The following TXLNB variants were observed in gnomAD, a reference collection of about 807,000 sequenced individuals.
The protein encoded by TXLNB is beta-taxilin.
In TXLNB, 37 loss-of-function variants were observed where a neutral mutation model predicts 57.4. The observed-to-expected ratio is 0.64, with a 90% CI of 0.50 to 0.85. TXLNB has a LOEUF of 0.85. TXLNB is among the 40% of genes least tolerant of loss of function. The probability of loss-of-function intolerance (pLI) is 0.00; values close to 1 mark genes in which losing one functional copy is unlikely to be tolerated. For missense variants in TXLNB, 848 were observed against 825.6 expected (o/e 1.03, Z -0.33); for synonymous variants, 302 against 309.6 (o/e 0.98, Z 0.26).
the TXLNB span, among the ~76,000 whole-genome samples, chr6:139,181,283 G>C: frequency 2.6e-3 from 389 of 152,358 alleles, 1 homozygote; most frequent in African/African-American, 9.1e-3. Flanking sequence ...CTTATCTGCT[G>C]TTTTGCGTTC....
the TXLNB span, among the ~76,000 whole-genome samples, chr6:139,223,575 C>T: frequency 4.4e-4 from 67 of 152,112 alleles, no homozygotes; most frequent in Middle Eastern, 6.8e-3. Context: ...CCAGAATCTA[C>T]AATGAACCCA....
At chr6:139,248,112 C>T (rs559680815) in intron 7 of TXLNB, among the ~76,000 whole-genome samples, 2 of 152,254 alleles carry the variant, frequency 1.3e-5, no homozygotes, top group African/African-American at 2.4e-5. Flanking sequence ...CAGTGGCTCA[C>T]GCCTGTAATG....
At chr6:139,164,109 T>C in the TXLNB span, among the ~76,000 whole-genome samples, 2 of 146,410 alleles carry the variant, frequency 1.4e-5, no homozygotes, top group Admixed American at 6.7e-5. Context: ...CTGAGCATCT[T>C]CTCACACTGC....
chr6:139,201,163 A>G, the TXLNB span, among the ~76,000 whole-genome samples: 1 of 152,208 alleles, frequency 6.6e-6, no homozygotes, highest in Admixed American at 6.5e-5. Flanking sequence ...AAACTTCACA[A>G]TATCTGGAAC....
chr6:139,208,968 G>C, the TXLNB span, among the ~76,000 whole-genome samples: 1 of 152,130 alleles, frequency 6.6e-6, no homozygotes, highest in Non-Finnish European at 1.5e-5. Context: ...GGAAATAAAG[G>C]ACATCCAAAT....
At chr6:139,297,828 A>G in the TXLNB span, among the ~76,000 whole-genome samples, 2 of 152,208 alleles carry the variant, frequency 1.3e-5, no homozygotes, top group Non-Finnish European at 2.9e-5. Flanking sequence ...CCTAGGACCA[A>G]GTTGAAGGAA....
the TXLNB span, chr6:139,169,790 T>C: frequency 6.6e-6 from 1 of 152,236 alleles, no homozygotes; most frequent in Non-Finnish European, 1.5e-5. Flanking sequence ...TCTAGAGGCT[T>C]AAGCTTGGAA....
intron 8 of TXLNB, among the ~76,000 whole-genome samples, chr6:139,245,918 C>G (rs1776056251): frequency 6.6e-6 from 1 of 152,094 alleles, no homozygotes; most frequent in Admixed American, 6.5e-5. Flanking sequence ...GTCTTGAGCT[C>G]CTGACCTCAA....
chr6:139,220,509 T>A, the TXLNB span, among the ~76,000 whole-genome samples: 1 of 152,192 alleles, frequency 6.6e-6, no homozygotes, highest in Admixed American at 6.5e-5. Context: ...CATGAGTCTC[T>A]CAAATTTAAG....
chr6:139,243,219 G>T lies in TXLNB; in HGVS notation c.1362C>A (p.Leu454=), dbSNP rs773301481. The change falls in exon 10 of 10, where the codon CTC becomes CTA. Residue 454 remains leucine, a synonymous_variant. Transcript: ENST00000358430. Reference sequence around the variant, plus strand: ...TTTCTGCGTCTCTGATTTTTTTGTGGAGTTCGTTTCTCTCTTCTTGTAAAG... The same window carrying T: ...TTTCTGCGTCTCTGATTTTTTTGTGTAGTTCGTTTCTCTCTTCTTGTAAAG... ...CRALQEERNE[L]HKKIRDAEIS... is the part of the protein sequence containing the mutation. 1 of 1,614,028 alleles carries T rather than the reference G, an allele frequency of 6.2e-7. No homozygotes were observed. The highest frequency in any genetic ancestry group is 8.5e-7 in the Non-Finnish European group (1 of 1,180,002).
At chr6:139,226,625 G>A in the TXLNB span, among the ~76,000 whole-genome samples, 1 of 152,204 alleles carries the variant, frequency 6.6e-6, no homozygotes, top group African/African-American at 2.4e-5. Flanking sequence ...CATAGGAAAT[G>A]AGGGAAAAAA....
At chr6:139,183,285 T>A in the TXLNB span, 5 of 152,248 alleles carry the variant, frequency 3.3e-5, no homozygotes, top group East Asian at 1.9e-4. Context: ...GCTAGCTAAC[T>A]CTTGCTCAGA....
chr6:139,170,248 G>A, the TXLNB span: 1 of 152,182 alleles, frequency 6.6e-6, no homozygotes, highest in South Asian at 2.1e-4. Context: ...ACAGATTATT[G>A]TCATGTAATC....
At chr6:139,252,524 C>G (rs549993337) in intron 7 of TXLNB, among the ~76,000 whole-genome samples, 22 of 152,260 alleles carry the variant, frequency 1.4e-4, no homozygotes, top group South Asian at 8.3e-4. Flanking sequence ...AGGGTTCTTG[C>G]AATTAGTGAG....
At chr6:139,276,357 T>G (rs561701369) in intron 3 of TXLNB, among the ~76,000 whole-genome samples, 11 of 152,260 alleles carry the variant, frequency 7.2e-5, no homozygotes, top group Non-Finnish European at 1.0e-4. Context: ...CTAACTTCAC[T>G]ACTATTAGTA....
the TXLNB span, among the ~76,000 whole-genome samples, chr6:139,232,427 TGTA>T: frequency 6.6e-6 from 1 of 152,192 alleles, no homozygotes; most frequent in African/African-American, 2.4e-5. Context: ...ATATTATACT[TGTA>T]GTACTCTCAT....
chr6:139,223,193 A>G, the TXLNB span, among the ~76,000 whole-genome samples: 4 of 152,232 alleles, frequency 2.6e-5, no homozygotes, highest in Non-Finnish European at 4.4e-5. Context: ...TTAGAAATGA[A>G]TCAATACACT....
At chr6:139,318,284 A>AAAAAG in the TXLNB span, among the ~76,000 whole-genome samples, 1 of 151,082 alleles carries the variant, frequency 6.6e-6, no homozygotes, top group Non-Finnish European at 1.5e-5. Context: ...AAAAAAAAAA[A>AAAAAG]AAAAGAAAAG....
At position 139,242,615 on chromosome 6, in the gene TXLNB, G is replaced by C. The variant is rs1036212312; in HGVS notation, c.1966C>G (p.Arg656Gly). Residue 656 changes from arginine to glycine, a missense_variant, in exon 10 of 10, where the codon CGA becomes GGA. Physicochemically the swap from Arg to Gly is moderately radical, Grantham distance 125. Transcript: ENST00000358430. ...ACTGGCAGCTCCTCTGCTGCTGCTC[G>C]TGGGGGCTGCCTACTGGGCTCGCAT... ...PACEPSRQPP[R>G]AAAEELPVGA... 5 of 1,593,854 alleles carry C rather than the reference G, an allele frequency of 3.1e-6. No individual in the cohort carries two copies. The African/African-American group carries it at 4.1e-5, about 13-fold the overall frequency.
Sources: allele counts gnomAD v4.1 joint callset (sites outside exome capture counted in the v4.1 genomes callset), GRCh38; gene constraint gnomAD v4.1.1; transcripts MANE v1.5; gene names NCBI Gene and HGNC (gene_info 2026-07-23, HGNC 2026-07-21).